The following NXN variants were observed in gnomAD, a reference collection of about 807,000 sequenced individuals.
The protein encoded by NXN is nucleoredoxin, also known as nucleoredoxin 1.
NXN carries 16 observed loss-of-function variants against 48.6 expected under a neutral mutation model. The ratio of observed to expected loss-of-function variants is 0.33; its 90% confidence interval spans 0.22 to 0.50. The LOEUF (loss-of-function observed/expected upper bound fraction) is 0.50. NXN is among the 20% of genes least tolerant of loss of function. NXN has a pLI of 0.98. For missense variants in NXN, 492 were observed against 605.5 expected, an observed-to-expected ratio of 0.81 and a Z score of 1.97; for synonymous variants, 281 against 269.6, an observed-to-expected ratio of 1.04 and a Z score of -0.41.
chr17:906,627 T>C (rs544080366), intron 1 of NXN, among the ~76,000 whole-genome samples: 1 of 151,530 alleles, frequency 6.6e-6, no homozygotes, highest in Admixed American at 6.6e-5. Flanking sequence ...AGTGCAGCAC[T>C]GCAATCTCGG....
At chr17:813,676 A>G (rs1196669199) in intron 5 of NXN, among the ~76,000 whole-genome samples, 3 of 152,130 alleles carry the variant, frequency 2.0e-5, no homozygotes, top group African/African-American at 7.2e-5. Context: ...TTTGTTTAAG[A>G]GACTACGGCC....
At chr17:859,668 A>C (rs1223966117) in intron 1 of NXN, among the ~76,000 whole-genome samples, 1 of 152,172 alleles carries the variant, frequency 6.6e-6, no homozygotes, top group Non-Finnish European at 1.5e-5. Context: ...CGGATCCCAG[A>C]TCTGCTCTGG....
intron 1 of NXN, among the ~76,000 whole-genome samples, chr17:828,824 G>A (rs1280372557): frequency 6.6e-6 from 1 of 152,110 alleles, no homozygotes; most frequent in Non-Finnish European, 1.5e-5. Flanking sequence ...AGCTTCATAA[G>A]TTTGCTGTAC....
intron 1 of NXN, among the ~76,000 whole-genome samples, chr17:931,036 C>T (rs1444630124): frequency 2.0e-5 from 3 of 152,040 alleles, no homozygotes; most frequent in African/African-American, 7.2e-5. Context: ...CCCAAAGTGC[C>T]GGGATTACAG....
chr17:905,441 A>G (rs147170290), intron 1 of NXN, among the ~76,000 whole-genome samples: 2 of 152,204 alleles, frequency 1.3e-5, no homozygotes, highest in East Asian at 1.9e-4. Context: ...AAGTGAAATA[A>G]AGAATGTATA....
intron 1 of NXN, among the ~76,000 whole-genome samples, chr17:947,633 TGAGGCAGGGGAACTGCTTGAACGCAG>T (rs1486907282): frequency 1.4e-5 from 2 of 147,888 alleles, no homozygotes; most frequent in African/African-American, 5.0e-5. Flanking sequence ...CTCGGGAGGC[TGAGGCAGGGGAACTGCTTGAACGCAG>T]GAGGCAGGGG....
At chr17:841,588 GCGA>G (rs1914284702) in intron 1 of NXN, among the ~76,000 whole-genome samples, 1 of 51,896 alleles carries the variant, frequency 1.9e-5, no homozygotes, top group East Asian at 5.7e-4. Flanking sequence ...TCTCACGCCG[GCGA>G]GCAGGTCCCC....
intron 5 of NXN, 88 bp from the exon 6 acceptor site, chr17:805,335 C>G: frequency 7.1e-7 from 1 of 1,411,536 alleles, no homozygotes; most frequent in Non-Finnish European, 9.4e-7. Flanking sequence ...CCCGGGGTCC[C>G]CCCGACCGTG....
At chr17:848,020 G>A (rs1039494465) in intron 1 of NXN, among the ~76,000 whole-genome samples, 4 of 152,014 alleles carry the variant, frequency 2.6e-5, no homozygotes, top group African/African-American at 7.2e-5. Flanking sequence ...AAAACGGGGC[G>A]AGTGAAGGAT....
chr17:885,126 T>C (rs2068328916), intron 1 of NXN, among the ~76,000 whole-genome samples: 1 of 152,226 alleles, frequency 6.6e-6, no homozygotes, highest in Admixed American at 6.5e-5. Flanking sequence ...CAGGCTGACA[T>C]GTCCCATCAT....
At chr17:806,220 C>T (rs1205182784) in intron 5 of NXN, among the ~76,000 whole-genome samples, 1 of 103,214 alleles carries the variant, frequency 9.7e-6, no homozygotes, top group Non-Finnish European at 1.9e-5. Context: ...GCCGTCTGCA[C>T]CCCAGCACAA....
At position 956,272 on chromosome 17, in the gene NXN, G is replaced by A. The variant is rs79522444; in HGVS notation, c.360+23047C>T. Among the ~76,000 whole-genome samples, 1,232 of 152,130 alleles carry A rather than the reference G, an allele frequency of 8.1e-3. 18 individuals are homozygous for A. Among genetic ancestry groups the A allele is most frequent in the African/African-American group, 0.029 (1,186 of 41,498 alleles). ...CAAGTATTTACTAATAAGAGGTGTCGAACGTGTTAAGTAAGAAGGACACAA... is the reference window on the plus strand; with the variant it reads ...CAAGTATTTACTAATAAGAGGTGTCAAACGTGTTAAGTAAGAAGGACACAA... On this transcript the variant is annotated intron_variant, in intron 1 of 7. Coordinates refer to ENST00000336868, the MANE Select transcript of NXN (RefSeq NM_022463.5). The surrounding 1 kb of genome is among the most constrained non-coding windows in gnomAD (Gnocchi z 4.1).
intron 1 of NXN, among the ~76,000 whole-genome samples, chr17:962,920 C>T (rs549810552): frequency 1.2e-4 from 19 of 152,260 alleles, no homozygotes; most frequent in South Asian, 2.1e-4. Flanking sequence ...GACGGGGAAG[C>T]GGCTTTCAAA....
intron 3 of NXN, among the ~76,000 whole-genome samples, chr17:822,952 T>G (rs1370391606): frequency 6.6e-6 from 1 of 151,504 alleles, no homozygotes; most frequent in African/African-American, 2.4e-5. Context: ...ATACAAAAAT[T>G]AGCCGGGTTT....
intron 1 of NXN, among the ~76,000 whole-genome samples, chr17:850,312 G>C (rs186559434): frequency 2.0e-4 from 30 of 152,336 alleles, no homozygotes; most frequent in Non-Finnish European, 3.8e-4. Context: ...GTACGCAGAG[G>C]AAGGAGCAAG....
At chr17:907,174 C>T (rs897784226) in intron 1 of NXN, among the ~76,000 whole-genome samples, 1 of 152,028 alleles carries the variant, frequency 6.6e-6, no homozygotes, top group African/African-American at 2.4e-5. Flanking sequence ...TAATTAGACT[C>T]GTAAACAAAG....
chr17:819,416 G>C, intron 5 of NXN, 23 bp downstream of exon 5: 6 of 1,591,782 alleles, frequency 3.8e-6, no homozygotes, highest in Non-Finnish European at 5.2e-6. Context: ...GAGCCACACG[G>C]AGCCGGGGCC....
intron 6 of NXN, among the ~76,000 whole-genome samples, chr17:804,557 G>A (rs953186607): frequency 3.3e-5 from 5 of 152,218 alleles, no homozygotes; most frequent in African/African-American, 9.6e-5. Context: ...AGCCTGGCAT[G>A]GATGCGCCTG....
chr17:878,085 T>G (rs754517890), intron 1 of NXN: 2 of 152,148 alleles, frequency 1.3e-5, no homozygotes, highest in Non-Finnish European at 2.9e-5. Context: ...CTAAGTAGAA[T>G]GCAGGCAATG....
Sources: allele counts gnomAD v4.1 joint callset (sites outside exome capture counted in the v4.1 genomes callset), GRCh38; gene constraint gnomAD v4.1.1; non-coding constraint Gnocchi (gnomAD v3.1); transcripts MANE v1.5; gene names NCBI Gene and HGNC (gene_info 2026-07-23, HGNC 2026-07-21).